TCERG1L: variants seen among roughly 807,000 people sequenced by gnomAD.
The protein encoded by TCERG1L is transcription elongation regulator 1-like protein.
In TCERG1L, 37 loss-of-function variants were observed where a neutral mutation model predicts 56.3. The observed-to-expected ratio is 0.66, with a 90% CI of 0.51 to 0.87. The LOEUF (loss-of-function observed/expected upper bound fraction) is 0.87. Among genes scored for constraint, TCERG1L ranks in the 40% least tolerant of loss-of-function variants. The pLI, the probability that TCERG1L is intolerant of heterozygous loss-of-function variation, is 0.00. For synonymous variants in TCERG1L, 324 were observed against 326.3 expected (o/e 0.99, Z 0.08); for missense variants, 799 against 774.2 (o/e 1.03, Z -0.38).
intron 7 of TCERG1L, among the ~76,000 whole-genome samples, chr10:131,137,995 G>A (rs1845693995): frequency 6.6e-6 from 1 of 152,158 alleles, no homozygotes; most frequent in African/African-American, 2.4e-5. Context: ...GAGGCTGAGT[G>A]CGATGGCTTA....
At chr10:131,235,887 T>C (rs1302584183) in intron 4 of TCERG1L, among the ~76,000 whole-genome samples, 1 of 152,238 alleles carries the variant, frequency 6.6e-6, no homozygotes, top group Non-Finnish European at 1.5e-5. Context: ...ATCTATTTCT[T>C]TGACACAATA....
intron 1 of TCERG1L, among the ~76,000 whole-genome samples, chr10:131,309,701 T>C (rs1418707289): frequency 6.6e-6 from 1 of 152,064 alleles, no homozygotes; most frequent in Non-Finnish European, 1.5e-5. Context: ...AATATTCCTT[T>C]CAGCATTGCA....
intron 3 of TCERG1L, among the ~76,000 whole-genome samples, chr10:131,271,519 A>G (rs1846339351): frequency 6.6e-6 from 1 of 152,214 alleles, no homozygotes; most frequent in Non-Finnish European, 1.5e-5. Context: ...ACTCTGCCCA[A>G]GGGATGCTCA....
chr10:131,237,993 G>A (rs1392937748), intron 4 of TCERG1L, among the ~76,000 whole-genome samples: 1 of 152,200 alleles, frequency 6.6e-6, no homozygotes, highest in East Asian at 1.9e-4. Context: ...ATCCCTAACT[G>A]AAGTGTGGTA....
chr10:131,250,339 G>A (rs114633003), intron 4 of TCERG1L, among the ~76,000 whole-genome samples: 4,447 of 126,688 alleles, frequency 0.035, 209 homozygotes, highest in African/African-American at 0.13. Context: ...ATGCCGAGCG[G>A]GAGCCTTTGA....
intron 4 of TCERG1L, among the ~76,000 whole-genome samples, chr10:131,176,349 CACAT>C (rs149504018): frequency 8.7e-5 from 13 of 149,696 alleles, no homozygotes; most frequent in South Asian, 4.3e-4. Context: ...CAGAGATAGG[CACAT>C]ACAAAGAGGC....
In TCERG1L at chr10:131,218,275, G is replaced by A. The variant is rs150353311; in HGVS notation, c.856+41984C>T. 5.6e-4 allele frequency among the ~76,000 whole-genome samples: 86 copies of A among 152,274 alleles called. No individual in the cohort carries two copies. The East Asian group carries it at 8.5e-3, about 15-fold the overall frequency. ...AAGCACCAATACATCTAACCGATACGTGCATGACATGGATAGAAATGCTGT... is the reference window on the plus strand; with the variant it reads ...AAGCACCAATACATCTAACCGATACATGCATGACATGGATAGAAATGCTGT... On this transcript the variant is annotated intron_variant, in intron 4 of 11. Coordinates refer to ENST00000368642, the MANE Select transcript of TCERG1L (RefSeq NM_174937.4).
chr10:131,210,346 C>T (rs901828841), intron 4 of TCERG1L, among the ~76,000 whole-genome samples: 1 of 152,182 alleles, frequency 6.6e-6, no homozygotes, highest in African/African-American at 2.4e-5. Flanking sequence ...CAACCCTCTG[C>T]CCCCAGGGCC....
chr10:131,284,125 C>CAAAAAAAAAAAAAAA (rs10534180), intron 3 of TCERG1L, among the ~76,000 whole-genome samples: 1 of 116,370 alleles, frequency 8.6e-6, no homozygotes, highest in Non-Finnish European at 1.8e-5. Flanking sequence ...GACCACATCT[C>CAAAAAAAAAAAAAAA]AAAAAAAAAA....
At chr10:131,176,757 AACACATACACCAAG>A (rs1846157362) in intron 4 of TCERG1L, among the ~76,000 whole-genome samples, 1 of 29,116 alleles carries the variant, frequency 3.4e-5, no homozygotes, top group African/African-American at 1.0e-4. Context: ...CACACACCAA[AACACATACACCAAG>A]ACACATGGAC....
intron 9 of TCERG1L, among the ~76,000 whole-genome samples, chr10:131,110,032 G>A (rs945991327): frequency 1.3e-5 from 2 of 152,326 alleles, no homozygotes; most frequent in Non-Finnish European, 2.9e-5. Flanking sequence ...GTGTGGCACC[G>A]TCCCAGCCCG....
chr10:131,148,790 T>C (rs1845831356), intron 6 of TCERG1L, among the ~76,000 whole-genome samples: 1 of 151,670 alleles, frequency 6.6e-6, no homozygotes. Flanking sequence ...CACCTTGACT[T>C]TCGCCCAGTG....
At chr10:131,121,312 G>A (rs1006804799) in intron 8 of TCERG1L, among the ~76,000 whole-genome samples, 2 of 152,196 alleles carry the variant, frequency 1.3e-5, no homozygotes, top group Admixed American at 1.3e-4. Flanking sequence ...TTACAGGTGA[G>A]GATGACTTGC....
intron 4 of TCERG1L, among the ~76,000 whole-genome samples, chr10:131,254,772 C>T (rs1455634285): frequency 2.0e-5 from 3 of 152,052 alleles, no homozygotes; most frequent in Admixed American, 6.5e-5. Flanking sequence ...TGGGCAGACC[C>T]GGGGCAACGT....
intron 7 of TCERG1L, 90 bp downstream of exon 7, chr10:131,146,416 C>G (rs1845794890): frequency 7.3e-7 from 1 of 1,370,870 alleles, no homozygotes. Flanking sequence ...TCAACATAAC[C>G]AAGAAGAAAC....
At chr10:131,159,907 G>A (rs1220013287) in intron 6 of TCERG1L, among the ~76,000 whole-genome samples, 1 of 152,150 alleles carries the variant, frequency 6.6e-6, no homozygotes, top group Non-Finnish European at 1.5e-5. Flanking sequence ...ACCTTTAAGG[G>A]TGAGTGCAAA....
chr10:131,279,188 G>A (rs2133560719), intron 3 of TCERG1L, among the ~76,000 whole-genome samples: 1 of 152,242 alleles, frequency 6.6e-6, no homozygotes. Flanking sequence ...ACAGTGCCTG[G>A]CACACAACTC....
chr10:131,159,740 G>A (rs918008688), intron 6 of TCERG1L, among the ~76,000 whole-genome samples: 1 of 152,148 alleles, frequency 6.6e-6, no homozygotes. Flanking sequence ...GCAGTGTGAG[G>A]AGAGTGTGCT....
intron 4 of TCERG1L, among the ~76,000 whole-genome samples, chr10:131,251,775 A>G (rs1846114019): frequency 6.6e-6 from 1 of 152,192 alleles, no homozygotes; most frequent in South Asian, 2.1e-4. Flanking sequence ...ATTGTGGTAA[A>G]ATATACATAA....
Sources: allele counts gnomAD v4.1 joint callset (sites outside exome capture counted in the v4.1 genomes callset), GRCh38; gene constraint gnomAD v4.1.1; transcripts MANE v1.5; gene names NCBI Gene and HGNC (gene_info 2026-07-23, HGNC 2026-07-21).